Variants in DAPK1 observed in about 807,000 individuals in gnomAD.
DAPK1 encodes death-associated protein kinase 1.
Under a neutral mutation model 144.9 loss-of-function variants are expected in DAPK1, and 56 were observed. The ratio of observed to expected loss-of-function variants is 0.39; its 90% confidence interval spans 0.31 to 0.48. DAPK1 has a LOEUF of 0.48. Among genes scored for constraint, DAPK1 ranks in the 20% least tolerant of loss-of-function variants. DAPK1 has a pLI of 0.95. For synonymous variants in DAPK1, 690 were observed against 749.0 expected, an observed-to-expected ratio of 0.92 and a Z score of 1.29; for missense variants, 1,454 against 1,875.4, an observed-to-expected ratio of 0.78 and a Z score of 4.15.
rs1027936153 is a variant in DAPK1 at position 87,498,810 on chromosome 9, G to T, written c.-108-160G>T. ...GGCTGAGGGGTCGGGGGCGTCCCTGGCCGCCCAGCTTTAACAAAGGGTGCT... is the reference window on the plus strand; with the variant it reads ...GGCTGAGGGGTCGGGGGCGTCCCTGTCCGCCCAGCTTTAACAAAGGGTGCT... On this transcript the variant is annotated intron_variant, in intron 1 of 25. Transcript: ENST00000408954. Among the ~76,000 whole-genome samples the T allele has an allele frequency of 3.9e-5, 6 of 152,244 alleles. No homozygotes were observed. The East Asian group carries it at 1.2e-3, about 30-fold the overall frequency.
chr9:87,567,473 T>A (rs1827170879), intron 2 of DAPK1, among the ~76,000 whole-genome samples: 1 of 152,196 alleles, frequency 6.6e-6, no homozygotes, highest in Non-Finnish European at 1.5e-5. Flanking sequence ...TCCTCCTGTG[T>A]TTCTTCCTGT....
chr9:87,674,291 T>C (rs752714149), intron 19 of DAPK1, among the ~76,000 whole-genome samples: 2 of 151,826 alleles, frequency 1.3e-5, no homozygotes, highest in Non-Finnish European at 2.9e-5. Flanking sequence ...CTGAGGTCAG[T>C]AGTTGAAAAC....
At chr9:87,618,031 C>G (rs1829162159) in intron 3 of DAPK1, among the ~76,000 whole-genome samples, 1 of 152,220 alleles carries the variant, frequency 6.6e-6, no homozygotes, top group African/African-American at 2.4e-5. Flanking sequence ...TTACCATTCT[C>G]TTACTTTGGC....
intron 2 of DAPK1, among the ~76,000 whole-genome samples, chr9:87,549,457 G>C (rs879935852): frequency 6.6e-6 from 1 of 152,166 alleles, no homozygotes; most frequent in Non-Finnish European, 1.5e-5. Flanking sequence ...ATATAGTAAT[G>C]AGATTGCTGG....
chr9:87,638,235 G>A (rs886351617), intron 4 of DAPK1, among the ~76,000 whole-genome samples, 154 bp downstream of exon 4: 8 of 152,190 alleles, frequency 5.3e-5, no homozygotes, highest in Non-Finnish European at 1.0e-4. Context: ...GCAAGCATAG[G>A]ATACATGCCC....
At chr9:87,656,956 A>G (rs1305487788) in intron 17 of DAPK1, among the ~76,000 whole-genome samples, 1 of 152,122 alleles carries the variant, frequency 6.6e-6, no homozygotes, top group Non-Finnish European at 1.5e-5. Context: ...GAAGATTTTT[A>G]TTTTGTATTA....
chr9:87,582,844 C>T (rs1348562622), intron 2 of DAPK1, among the ~76,000 whole-genome samples: 3 of 152,012 alleles, frequency 2.0e-5, no homozygotes, highest in Admixed American at 6.6e-5. Flanking sequence ...TGAGCCACCG[C>T]GCCCAGCCAG....
chr9:87,535,855 A>AT (rs1825844463), intron 2 of DAPK1, among the ~76,000 whole-genome samples: 1 of 152,234 alleles, frequency 6.6e-6, no homozygotes, highest in Non-Finnish European at 1.5e-5. Context: ...CACAGATGTA[A>AT]ACCGGAAGGC....
At chr9:87,696,010 A>T (rs1322425699) in intron 21 of DAPK1, among the ~76,000 whole-genome samples, 1 of 152,212 alleles carries the variant, frequency 6.6e-6, no homozygotes, top group Non-Finnish European at 1.5e-5. Flanking sequence ...TATTAAGGAT[A>T]TGTGAGCCTA....
At chr9:87,521,366 C>T (rs1289146029) in intron 2 of DAPK1, among the ~76,000 whole-genome samples, 1 of 152,218 alleles carries the variant, frequency 6.6e-6, no homozygotes, top group South Asian at 2.1e-4. Context: ...GTCTTTAGCC[C>T]CAGACCCAGG....
At chr9:87,519,869 G>T (rs1825230152) in intron 2 of DAPK1, among the ~76,000 whole-genome samples, 1 of 152,162 alleles carries the variant, frequency 6.6e-6, no homozygotes, top group South Asian at 2.1e-4. Flanking sequence ...AGAGAATAGG[G>T]CCGAGAGGAC....
At chr9:87,508,160 C>T (rs1001642380) in intron 2 of DAPK1, among the ~76,000 whole-genome samples, 1 of 151,758 alleles carries the variant, frequency 6.6e-6, no homozygotes, top group Non-Finnish European at 1.5e-5. Context: ...TACAGGCACC[C>T]GCCACGACGC....
chr9:87,545,668 C>T (rs2118508304), intron 2 of DAPK1, among the ~76,000 whole-genome samples: 1 of 152,278 alleles, frequency 6.6e-6, no homozygotes, highest in Non-Finnish European at 1.5e-5. Context: ...TGTCCAGCCT[C>T]CCAAGTAGCT....
chr9:87,511,007 A>G (rs916175739), intron 2 of DAPK1, among the ~76,000 whole-genome samples: 3 of 152,196 alleles, frequency 2.0e-5, no homozygotes, highest in Admixed American at 6.5e-5. Context: ...GAGCGACAGT[A>G]TAACATGCTT....
intron 2 of DAPK1, among the ~76,000 whole-genome samples, chr9:87,529,391 T>A (rs1002484998): frequency 2.0e-5 from 3 of 152,170 alleles, no homozygotes; most frequent in African/African-American, 7.2e-5. Context: ...CCTAGTAGTT[T>A]CTAAGGTATT....
At chr9:87,705,328 G>A (rs1195818082) in intron 25 of DAPK1, among the ~76,000 whole-genome samples, 1 of 146,120 alleles carries the variant, frequency 6.8e-6, no homozygotes, top group African/African-American at 2.6e-5. Context: ...TGCAGCCTCC[G>A]CCTCCTGGGT....
intron 3 of DAPK1, among the ~76,000 whole-genome samples, chr9:87,619,229 T>C (rs1829205914): frequency 6.6e-6 from 1 of 152,214 alleles, no homozygotes; most frequent in Non-Finnish European, 1.5e-5. Flanking sequence ...TTCCTCACTT[T>C]TTAGGCGTGT....
intron 3 of DAPK1, chr9:87,632,785 A>C (rs2119101047): frequency 1.0e-6 from 1 of 981,382 alleles, no homozygotes; most frequent in Non-Finnish European, 1.2e-6. Context: ...GATATGAAGG[A>C]GAATCAGTGT....
intron 18 of DAPK1, among the ~76,000 whole-genome samples, chr9:87,661,796 A>T (rs1437030857): frequency 6.6e-6 from 1 of 152,064 alleles, no homozygotes; most frequent in East Asian, 1.9e-4. Context: ...CACTCTGTTG[A>T]TTATTTCTTT....
Sources: allele counts gnomAD v4.1 joint callset (sites outside exome capture counted in the v4.1 genomes callset), GRCh38; gene constraint gnomAD v4.1.1; transcripts MANE v1.5; gene names NCBI Gene and HGNC (gene_info 2026-07-23, HGNC 2026-07-21).